The following CSMD1 variants were observed in gnomAD, a reference collection of about 807,000 sequenced individuals.
CSMD1 encodes CUB and sushi domain-containing protein 1.
Under a neutral mutation model 417.5 loss-of-function variants are expected in CSMD1, and 213 were observed. The observed-to-expected ratio is 0.51, with a 90% confidence interval of 0.46 to 0.57. The LOEUF (loss-of-function observed/expected upper bound fraction) is 0.57, where lower values mean the gene tolerates loss of function less well. Ranked by LOEUF, CSMD1 falls within the 20% of genes least tolerant of loss-of-function variation. The pLI, the probability that CSMD1 is intolerant of heterozygous loss-of-function variation, is 0.00. For missense variants in CSMD1, 6,923 were observed against 4,529.7 expected (o/e 1.53, Z -15.17); for synonymous variants, 2,862 against 1,736.8 (o/e 1.65, Z -16.11).
intron 26 of CSMD1, among the ~76,000 whole-genome samples, chr8:3,276,803 CG>C (rs1432249274): frequency 6.6e-6 from 1 of 151,998 alleles, no homozygotes; most frequent in Non-Finnish European, 1.5e-5. Flanking sequence ...CATTTATGCA[CG>C]TGGAAAATTT....
intron 3 of CSMD1, among the ~76,000 whole-genome samples, chr8:4,168,274 C>T (rs574768325): frequency 2.0e-5 from 3 of 151,730 alleles, no homozygotes; most frequent in African/African-American, 7.3e-5. Context: ...TGCACCTGTA[C>T]TCCCAACTAC....
intron 23 of CSMD1, among the ~76,000 whole-genome samples, chr8:3,311,633 G>A (rs1483463900): frequency 6.6e-6 from 1 of 152,138 alleles, no homozygotes; most frequent in Non-Finnish European, 1.5e-5. Flanking sequence ...AAAAACAGAT[G>A]GTTGCATGGG....
chr8:3,112,666 G>A (rs896307899), intron 42 of CSMD1, among the ~76,000 whole-genome samples: 7 of 152,180 alleles, frequency 4.6e-5, no homozygotes, highest in Non-Finnish European at 8.8e-5. Flanking sequence ...ATAGTGAACC[G>A]TAGAGACCCT....
At chr8:4,210,333 G>A (rs1423005341) in intron 3 of CSMD1, among the ~76,000 whole-genome samples, 2 of 152,172 alleles carry the variant, frequency 1.3e-5, no homozygotes, top group Non-Finnish European at 2.9e-5. Flanking sequence ...ATTGTGCTGT[G>A]TCAAGTAAGT....
intron 26 of CSMD1, among the ~76,000 whole-genome samples, chr8:3,271,869 A>G (rs941683272): frequency 1.3e-5 from 2 of 151,912 alleles, no homozygotes; most frequent in African/African-American, 4.8e-5. Context: ...ATTTTCTCCC[A>G]TTTTGTAGGT....
chr8:3,905,696 A>C (rs1024341028), intron 5 of CSMD1, among the ~76,000 whole-genome samples: 1 of 152,294 alleles, frequency 6.6e-6, no homozygotes, highest in East Asian at 1.9e-4. Context: ...AACCACACTC[A>C]GTATCTCCTT....
At chr8:4,301,762 T>A (rs796479867) in intron 3 of CSMD1, among the ~76,000 whole-genome samples, 5 of 152,334 alleles carry the variant, frequency 3.3e-5, no homozygotes, top group African/African-American at 1.2e-4. Context: ...CCTGCCTCCT[T>A]AAACCTAGTT....
chr8:4,101,208 A>G (rs1315210891), intron 3 of CSMD1, among the ~76,000 whole-genome samples: 1 of 152,132 alleles, frequency 6.6e-6, no homozygotes, highest in East Asian at 1.9e-4. Flanking sequence ...TACACGTATG[A>G]ATTCTTGGTT....
chr8:4,416,786 T>G (rs1036533221), intron 3 of CSMD1, among the ~76,000 whole-genome samples: 5 of 152,086 alleles, frequency 3.3e-5, no homozygotes, highest in Non-Finnish European at 7.4e-5. Flanking sequence ...GATGTTTTTC[T>G]TAAAACATAG....
At chr8:3,018,396 A>C (rs1237075701) in intron 52 of CSMD1, 81 bp downstream of exon 52, 1 of 1,298,310 alleles carries the variant, frequency 7.7e-7, no homozygotes, top group Non-Finnish European at 1.1e-6. Context: ...TTATAGCAAG[A>C]AGTCATATGT....
At chr8:4,529,989 A>C (rs1796714838) in intron 2 of CSMD1, among the ~76,000 whole-genome samples, 1 of 151,926 alleles carries the variant, frequency 6.6e-6, no homozygotes, top group African/African-American at 2.4e-5. Flanking sequence ...ATCCCGGCTC[A>C]CTGCAAGCCC....
At chr8:4,933,627 A>G (rs1482135261) in intron 1 of CSMD1, among the ~76,000 whole-genome samples, 1 of 152,160 alleles carries the variant, frequency 6.6e-6, no homozygotes, top group African/African-American at 2.4e-5. Flanking sequence ...CACAACCACA[A>G]TGTACTTTCC....
chr8:3,487,519 G>C (rs983233756), intron 11 of CSMD1, among the ~76,000 whole-genome samples: 3 of 152,094 alleles, frequency 2.0e-5, no homozygotes, highest in Admixed American at 2.0e-4. Flanking sequence ...TAAATTTAAG[G>C]CAGATTTTAG....
chr8:3,199,688 G>A, intron 33 of CSMD1, 26 bp downstream of exon 33: 1 of 1,502,066 alleles, frequency 6.7e-7, no homozygotes, highest in Non-Finnish European at 9.1e-7. Context: ...ACAGTGACAT[G>A]TGGAGACATG....
At chr8:3,346,435 T>G (rs977526492) in intron 22 of CSMD1, among the ~76,000 whole-genome samples, 2 of 152,260 alleles carry the variant, frequency 1.3e-5, no homozygotes, top group African/African-American at 4.8e-5. Context: ...GATGTAACTA[T>G]TTCTTTTTAG....
Position 3,237,291 on chromosome 8 carries a change from C to T in CSMD1, c.4154-7060G>A, listed in dbSNP as rs113400885. On this transcript the variant is annotated intron_variant, in intron 26 of 69. Transcript: ENST00000635120. ...GACCAGTCTGACCAACATGGTGAAA[C>T]CCTGTCTGTACTAAAGATACAAAAT... Among the ~76,000 whole-genome samples the T allele has an allele frequency of 1.4e-3, 205 of 151,712 alleles. 1 individual carries two copies. The highest frequency in any genetic ancestry group is 4.7e-3 in the African/African-American group (196 of 41,350).
intron 11 of CSMD1, among the ~76,000 whole-genome samples, chr8:3,475,414 G>T (rs1407643033): frequency 6.6e-6 from 1 of 152,098 alleles, no homozygotes; most frequent in Non-Finnish European, 1.5e-5. Flanking sequence ...ACAGCTACAT[G>T]TTTAAATTTT....
intron 21 of CSMD1, among the ~76,000 whole-genome samples, chr8:3,354,884 G>GATATGTCTATCTATAGATCTATCTATAT (rs2117681362): frequency 6.7e-6 from 1 of 149,292 alleles, no homozygotes; most frequent in Non-Finnish European, 1.5e-5. Flanking sequence ...TATATCTATA[G>GATATGTCTATCTATAGATCTATCTATAT]ATATGTCTAT....
At chr8:4,201,368 C>G (rs57159384) in intron 3 of CSMD1, among the ~76,000 whole-genome samples, 6 of 151,868 alleles carry the variant, frequency 4.0e-5, no homozygotes, top group African/African-American at 1.5e-4. Flanking sequence ...GAAACCCCAT[C>G]TCTACTAAAA....
Sources: gnomAD v4.1 joint callset for allele counts (sites outside exome capture counted in the v4.1 genomes callset) on GRCh38, gnomAD v4.1.1 for gene constraint, MANE v1.5 for transcripts, NCBI Gene and HGNC (gene_info 2026-07-23, HGNC 2026-07-21) for gene names.